Variants in CABP7 observed in about 807,000 individuals in gnomAD.
CABP7 encodes calcium binding protein 7.
In CABP7, 13 loss-of-function variants were observed where a neutral mutation model predicts 23.1. The ratio of observed to expected loss-of-function variants is 0.56; its 90% CI spans 0.37 to 0.90. The LOEUF (loss-of-function observed/expected upper bound fraction) is 0.90, where lower values mean the gene tolerates loss of function less well. Ranked by LOEUF, CABP7 falls within the 40% of genes least tolerant of loss-of-function variation. The probability of loss-of-function intolerance (pLI) is 0.01; values close to 1 mark genes in which losing one functional copy is unlikely to be tolerated. For missense variants in CABP7, 248 were observed against 295.6 expected (o/e 0.84, Z 1.18); for synonymous variants, 123 against 115.3 (o/e 1.07, Z -0.43).
chr22:29,720,568 C>T lies in CABP7; in HGVS notation c.109+35C>T. ...CGCCGGGATCCCCGCCCCGGCGGCC[C>T]TCCTACCTGTGCGCCCAGGTGAAGC... On this transcript the variant is annotated intron_variant, in intron 1 of 4. Transcript: ENST00000216144. This position sits in a 1 kb window ranked among gnomAD's most constrained non-coding sequence, Gnocchi z 5.2. The T allele has an allele frequency of 2.1e-6, 3 of 1,427,190 alleles. No individual in the cohort carries two copies. The highest frequency in any genetic ancestry group is 2.8e-6 in the Non-Finnish European group (3 of 1,062,670). 88.4% of individuals were successfully genotyped at this position (1,427,190 alleles called of 1,614,324 possible).
chr22:29,731,540 A>T lies in CABP7; in HGVS notation c.*1971A>T, dbSNP rs1406881687. 1.7e-5 allele frequency: 11 copies of T among 661,192 alleles called. No individual in the cohort carries two copies. The East Asian group carries it at 3.8e-4, about 23-fold the overall frequency. The allele number at this position is 661,192 out of a possible 1,614,324, so 41.0% of individuals were successfully genotyped here. A position where few individuals can be genotyped will look rare whatever the true frequency, so the allele number is the denominator to read the frequency against. On this transcript the variant is annotated 3_prime_UTR_variant, in exon 5 of 5. Transcript: ENST00000216144. ...CCAGCGACCTCACCTCTAGGAACTGAGCCCAAGGAAATAGCGGGGTTGCAG... is the reference window on the plus strand; with the variant it reads ...CCAGCGACCTCACCTCTAGGAACTGTGCCCAAGGAAATAGCGGGGTTGCAG...
At chr22:29,723,563 C>T (rs1307438753) in intron 1 of CABP7, among the ~76,000 whole-genome samples, 1 of 152,224 alleles carries the variant, frequency 6.6e-6, no homozygotes, top group Non-Finnish European at 1.5e-5. Context: ...GGAGTCAGAC[C>T]TCCAGGCAGA....
chr22:29,731,564 A>G lies in CABP7; in HGVS notation c.*1995A>G. On this transcript the variant is annotated 3_prime_UTR_variant, in exon 5 of 5. Coordinates refer to ENST00000216144, the MANE Select transcript of CABP7 (RefSeq NM_182527.3). ...GAGCCCAAGGAAATAGCGGGGTTGCAGGCAGACATTGAGCTGCGAGACAAT... is the reference window on the plus strand; with the variant it reads ...GAGCCCAAGGAAATAGCGGGGTTGCGGGCAGACATTGAGCTGCGAGACAAT... 1 of 551,448 alleles carries G rather than the reference A, an allele frequency of 1.8e-6. No individual in the cohort carries two copies. The highest frequency in any genetic ancestry group is 2.6e-5 in the South Asian group (1 of 37,902). 34.2% of individuals were successfully genotyped at this position (551,448 alleles called of 1,614,324 possible).
Position 29,731,066 on chromosome 22 carries a change from A to G in CABP7, c.*1497A>G. On this transcript the variant is annotated 3_prime_UTR_variant, in exon 5 of 5. Transcript: ENST00000216144. ...GGGGAGAGCTGCCCGGTGCAGACCC[A>G]GGACGAGGGCTGCACTTGGTGTGGC... 1.4e-6 allele frequency: 1 copy of G among 706,544 alleles called. No homozygotes were observed. Among genetic ancestry groups the G allele is most frequent in the Non-Finnish European group, 2.1e-6 (1 of 467,864 alleles). The allele number at this position is 706,544 out of a possible 1,614,324, so 43.8% of individuals were successfully genotyped here.
chr22:29,729,682 T>C lies in CABP7; in HGVS notation c.*113T>C, dbSNP rs2067824793. 7.2e-7 allele frequency: 1 copy of C among 1,389,860 alleles called. No homozygotes were observed. The highest frequency in any genetic ancestry group is 1.4e-5 in the African/African-American group (1 of 70,104). 86.1% of individuals were successfully genotyped at this position (1,389,860 alleles called of 1,614,324 possible). On this transcript the variant is annotated 3_prime_UTR_variant, in exon 5 of 5. Coordinates refer to ENST00000216144, the MANE Select transcript of CABP7 (RefSeq NM_182527.3). ...TCCCTGGGCCGCCATCTGCGTGTAC[T>C]TCAGGGCCTGGGTATCCAGCGAGCC...
rs2067803686 is a variant in CABP7 at position 29,727,415 on chromosome 22, A to G, written c.110-247A>G. ...GGAGAGGCTGTGAGAGCCTGGCGCA[A>G]TCAGATCCCAAGAGGTCACTGCTGG... On this transcript the variant is annotated intron_variant, in intron 1 of 4. Transcript: ENST00000216144. The surrounding 1 kb of genome is among the most constrained non-coding windows in gnomAD (Gnocchi z 4.2). Among the ~76,000 whole-genome samples, 3 of 152,166 alleles carry G rather than the reference A, an allele frequency of 2.0e-5. No homozygotes were observed. The highest frequency in any genetic ancestry group is 1.5e-5 in the Non-Finnish European group (1 of 68,022).
At chr22:29,726,563 C>T (rs932265767) in intron 1 of CABP7, among the ~76,000 whole-genome samples, 25 of 152,234 alleles carry the variant, frequency 1.6e-4, no homozygotes, top group African/African-American at 2.4e-4. Flanking sequence ...GTCTGCAGCA[C>T]GGAGCACCTC....
At position 29,731,603 on chromosome 22, in the gene CABP7, G is replaced by A. The variant is rs1267137073; in HGVS notation, c.*2034G>A. The A allele has an allele frequency of 6.5e-6, 3 of 460,082 alleles. No individual in the cohort carries two copies. The highest frequency in any genetic ancestry group is 2.1e-5 in the African/African-American group (1 of 47,902). The allele number at this position is 460,082 out of a possible 1,614,324, so 28.5% of individuals were successfully genotyped here. A position where few individuals can be genotyped will look rare whatever the true frequency, so the allele number is the denominator to read the frequency against. ...CTGCGAGACAATGGGAATAACCTTC[G>A]TGTCCACCTGTGGGGGACTGATTCA... On this transcript the variant is annotated 3_prime_UTR_variant, in exon 5 of 5. Coordinates refer to ENST00000216144, the MANE Select transcript of CABP7 (RefSeq NM_182527.3).
Position 29,729,225 on chromosome 22 carries a change from G to A in CABP7, c.520+17G>A. 6.3e-7 allele frequency: 1 copy of A among 1,595,840 alleles called. No homozygotes were observed. The highest frequency in any genetic ancestry group is 8.5e-7 in the Non-Finnish European group (1 of 1,172,042). Reference sequence around the variant, plus strand: ...ATGTGGAGAGTGAGTGGCTGGCCCTGGAACCCCACGGGTGGGCCCAGTGAC... The same window carrying A: ...ATGTGGAGAGTGAGTGGCTGGCCCTAGAACCCCACGGGTGGGCCCAGTGAC... On this transcript the variant is annotated intron_variant, in intron 4 of 4. Coordinates refer to ENST00000216144, the MANE Select transcript of CABP7 (RefSeq NM_182527.3).
intron 1 of CABP7, among the ~76,000 whole-genome samples, chr22:29,723,733 C>G (rs980764095): frequency 6.6e-6 from 1 of 152,242 alleles, no homozygotes; most frequent in Admixed American, 6.5e-5. Context: ...CGCCTCTGCA[C>G]AGCCAAAAGC....
Position 29,720,910 on chromosome 22 carries a change from C to A in CABP7, c.109+377C>A, listed in dbSNP as rs977683048. ...CGGCCGGAGCACCCGCATCCTGATC[C>A]CCTCCGCGGCGCCCGCCCGCGGCTC... On this transcript the variant is annotated intron_variant, in intron 1 of 4. Coordinates refer to ENST00000216144, the MANE Select transcript of CABP7 (RefSeq NM_182527.3). The surrounding 1 kb of genome is among the most constrained non-coding windows in gnomAD (Gnocchi z 5.2). 4.0e-5 allele frequency among the ~76,000 whole-genome samples: 6 copies of A among 151,790 alleles called. No homozygotes were observed. The highest frequency in any genetic ancestry group is 8.8e-5 in the Non-Finnish European group (6 of 67,896).
At chr22:29,729,244 C>A in intron 4 of CABP7, 36 bp downstream of exon 4, 1 of 1,585,646 alleles carries the variant, frequency 6.3e-7, no homozygotes. Flanking sequence ...CGGGTGGGCC[C>A]AGTGACTTGG....
In CABP7 at chr22:29,728,640, A is replaced by G; in HGVS notation, c.264A>G (p.Gln88=). The G allele has an allele frequency of 8.7e-6, 14 of 1,611,482 alleles. No individual in the cohort carries two copies. Among genetic ancestry groups the G allele is most frequent in the Non-Finnish European group, 1.2e-5 (14 of 1,177,862 alleles). The part of the protein sequence containing the change: ...IQRLDMDGDG[Q]VDFEEFVTLL... ...CTGTGCCTCCACCAGGTGATGGTCA[A>G]GTGGACTTTGAGGAGTTTGTGACCC... is the stretch of plus-strand genomic sequence containing the variant. Residue 88 remains glutamine (Q), a synonymous_variant, in exon 3 of 5, where the codon CAA becomes CAG. Transcript: ENST00000216144.
chr22:29,729,580 G>T lies in CABP7; in HGVS notation c.*11G>T, dbSNP rs1387698823. 2 of 1,607,656 alleles carry T rather than the reference G, an allele frequency of 1.2e-6. No individual in the cohort carries two copies. Among genetic ancestry groups the T allele is most frequent in the Non-Finnish European group, 1.7e-6 (2 of 1,179,698 alleles). On this transcript the variant is annotated 3_prime_UTR_variant, in exon 5 of 5. Coordinates refer to ENST00000216144, the MANE Select transcript of CABP7 (RefSeq NM_182527.3). ...AGTGGCATGAAGTAGACGCCACCTG[G>T]ATGCCCCATCCACCGCATGCGGTGC...
In CABP7 at chr22:29,727,763, G is replaced by A. The variant is rs1284233154; in HGVS notation, c.211G>A (p.Glu71Lys). The A allele has an allele frequency of 1.1e-5, 17 of 1,612,934 alleles. No individual in the cohort carries two copies. Among genetic ancestry groups the A allele is most frequent in the Non-Finnish European group, 1.4e-5 (16 of 1,179,590 alleles). ...AMRSLGYMPN[E>K]VELEVIIQRL... ...GCGCTCACTGGGTTACATGCCCAACGAGGTGGAGCTGGAGGTCATCATCCA... is the reference window on the plus strand; with the variant it reads ...GCGCTCACTGGGTTACATGCCCAACAAGGTGGAGCTGGAGGTCATCATCCA... The change falls in exon 2 of 5, where the codon GAG becomes AAG. Residue 71 changes from glutamate to lysine, a missense_variant. Coordinates refer to ENST00000216144, the MANE Select transcript of CABP7 (RefSeq NM_182527.3). This position sits in a 1 kb window ranked among gnomAD's most constrained non-coding sequence, Gnocchi z 4.2.
chr22:29,725,837 T>A (rs1178299878), intron 1 of CABP7, among the ~76,000 whole-genome samples: 1 of 152,136 alleles, frequency 6.6e-6, no homozygotes, highest in Non-Finnish European at 1.5e-5. Flanking sequence ...GCAGAACATG[T>A]GGCCGGGCGA....
intron 1 of CABP7, among the ~76,000 whole-genome samples, chr22:29,726,140 A>G (rs1201422933): frequency 6.6e-6 from 1 of 152,044 alleles, no homozygotes; most frequent in Non-Finnish European, 1.5e-5. Flanking sequence ...AGGAGACGAG[A>G]TTCCCAGGTC....
Position 29,729,162 on chromosome 22 carries a change from G to A in CABP7, c.474G>A (p.Glu158=). Residue 158 remains glutamate (E), a synonymous_variant, in exon 4 of 5, where the codon GAG becomes GAA. Coordinates refer to ENST00000216144, the MANE Select transcript of CABP7 (RefSeq NM_182527.3). ...KDIENIIMTE[E]ESHLGTAEEC... ...TAGAGAACATCATCATGACGGAGGA[G>A]GAGAGCCACCTGGGCACAGCCGAGG... 2 of 1,611,224 alleles carry A rather than the reference G, an allele frequency of 1.2e-6. No individual in the cohort carries two copies. Among genetic ancestry groups the A allele is most frequent in the Non-Finnish European group, 1.7e-6 (2 of 1,179,796 alleles).
chr22:29,726,382 A>G (rs1287932813), intron 1 of CABP7, among the ~76,000 whole-genome samples: 2 of 152,180 alleles, frequency 1.3e-5, no homozygotes, highest in East Asian at 3.9e-4. Flanking sequence ...AGGCTGGGCT[A>G]GGCTCCCCTG....
Sources: allele counts gnomAD v4.1 joint callset (sites outside exome capture counted in the v4.1 genomes callset), GRCh38; gene constraint gnomAD v4.1.1; non-coding constraint Gnocchi (gnomAD v3.1); transcripts MANE v1.5; gene names NCBI Gene and HGNC (gene_info 2026-07-23, HGNC 2026-07-21).